The following BSN variants were observed in gnomAD, a reference collection of about 807,000 sequenced individuals.
The protein encoded by BSN is bassoon presynaptic cytomatrix protein, also known as protein bassoon.
Under a neutral mutation model 264.8 loss-of-function variants are expected in BSN, and 57 were observed. That is an observed-to-expected ratio of 0.22 (90% CI 0.17 to 0.27). The LOEUF (loss-of-function observed/expected upper bound fraction) is 0.27, where lower values mean the gene tolerates loss of function less well. BSN is among the 10% of genes least tolerant of loss of function. The probability of loss-of-function intolerance (pLI) is 1.00; values close to 1 mark genes in which losing one functional copy is unlikely to be tolerated. For missense variants in BSN, 4,615 were observed against 5,232.5 expected, an observed-to-expected ratio of 0.88 and a Z score of 3.64; for synonymous variants, 2,059 against 2,137.3, an observed-to-expected ratio of 0.96 and a Z score of 1.01.
intron 1 of BSN, among the ~76,000 whole-genome samples, chr3:49,611,238 G>A (rs2052204622): frequency 6.6e-6 from 1 of 152,232 alleles, no homozygotes. Context: ...GACAAGCACA[G>A]CATTGTCCCC....
intron 1 of BSN, among the ~76,000 whole-genome samples, chr3:49,602,006 TAG>T (rs1275576418): frequency 1.3e-5 from 2 of 152,158 alleles, no homozygotes; most frequent in African/African-American, 4.8e-5. Context: ...CTTGCCCTAG[TAG>T]AGATGTGGGA....
At chr3:49,556,054 C>A (rs1375430095) in intron 1 of BSN, among the ~76,000 whole-genome samples, 1 of 152,172 alleles carries the variant, frequency 6.6e-6, no homozygotes, top group African/African-American at 2.4e-5. Flanking sequence ...TTTATACTAG[C>A]TATAATAGTA....
At chr3:49,643,783 G>T (rs1356686998) in intron 3 of BSN, among the ~76,000 whole-genome samples, 1 of 152,200 alleles carries the variant, frequency 6.6e-6, no homozygotes, top group African/African-American at 2.4e-5. Context: ...TACTGGGGAT[G>T]CTCAGAGATG....
At chr3:49,624,870 A>G in intron 1 of BSN, 105 bp from the exon 2 acceptor site, 1 of 1,055,256 alleles carries the variant, frequency 9.5e-7, no homozygotes, top group Non-Finnish European at 1.3e-6. Context: ...GGCAGGAGGA[A>G]GAGGGTGGTG....
At chr3:49,622,610 G>A (rs2052314725) in intron 1 of BSN, among the ~76,000 whole-genome samples, 1 of 152,190 alleles carries the variant, frequency 6.6e-6, no homozygotes, top group Non-Finnish European at 1.5e-5. Flanking sequence ...CCTGGAGAGG[G>A]GGCCACAGCC....
In BSN at chr3:49,554,750, G is replaced by A; in HGVS notation, c.148G>A (p.Gly50Arg). Residue 50 changes from glycine (G) to arginine (R), a missense_variant, in exon 1 of 12, where the codon GGA (glycine) becomes AGA (arginine). Coordinates refer to ENST00000296452, the MANE Select transcript of BSN (RefSeq NM_003458.4). ...PAGGGQLPAA[G>R]AARSTAVPPV... is the part of the protein sequence containing the mutation. ...CGGTGGCGGACAGCTCCCCGCGGCGGGAGCAGCGCGGTCGACCGCGGTACC... is the reference window on the plus strand; with the variant it reads ...CGGTGGCGGACAGCTCCCCGCGGCGAGAGCAGCGCGGTCGACCGCGGTACC... The A allele has an allele frequency of 1.6e-6, 2 of 1,229,694 alleles. No homozygotes were observed. Among genetic ancestry groups the A allele is most frequent in the Non-Finnish European group, 2.0e-6 (2 of 985,028 alleles). 76.2% of individuals were successfully genotyped at this position (1,229,694 alleles called of 1,614,324 possible).
chr3:49,641,426 ACT>A (rs1453196143), intron 2 of BSN, among the ~76,000 whole-genome samples: 1 of 152,062 alleles, frequency 6.6e-6, no homozygotes, highest in Non-Finnish European at 1.5e-5. Flanking sequence ...GCTCTAACCG[ACT>A]CTGTTTGCCA....
intron 6 of BSN, 114 bp downstream of exon 6, chr3:49,662,676 G>T: frequency 6.7e-7 from 1 of 1,485,618 alleles, no homozygotes; most frequent in Non-Finnish European, 8.9e-7. Flanking sequence ...CGCCTCATCT[G>T]GTGGGCCCTG....
chr3:49,608,829 G>GAAA (rs1443106046), intron 1 of BSN, among the ~76,000 whole-genome samples: 2 of 131,764 alleles, frequency 1.5e-5, no homozygotes, highest in Non-Finnish European at 1.6e-5. Context: ...CTCCGTCTCG[G>GAAA]GAAAAAAAAA....
intron 1 of BSN, among the ~76,000 whole-genome samples, chr3:49,582,349 A>T (rs2051900922): frequency 6.6e-6 from 1 of 151,998 alleles, no homozygotes; most frequent in Non-Finnish European, 1.5e-5. Context: ...CCCAGGCTGG[A>T]GTTCAGTGGC....
intron 1 of BSN, among the ~76,000 whole-genome samples, chr3:49,558,531 T>A (rs1485263419): frequency 6.6e-6 from 1 of 152,212 alleles, no homozygotes; most frequent in Non-Finnish European, 1.5e-5. Context: ...AGGCATAGTA[T>A]CTCTGGTCTG....
At chr3:49,559,757 C>T (rs1448809785) in intron 1 of BSN, among the ~76,000 whole-genome samples, 3 of 152,162 alleles carry the variant, frequency 2.0e-5, no homozygotes, top group Non-Finnish European at 4.4e-5. Context: ...GATTGCATCC[C>T]TGTGGTGTCA....
rs751952854 is a variant in BSN at position 49,642,384 on chromosome 3, C to G, written c.750C>G (p.Ala250=). Residue 250 remains alanine, a synonymous_variant, in exon 3 of 12, where the codon GCC becomes GCG. Coordinates refer to ENST00000296452, the MANE Select transcript of BSN (RefSeq NM_003458.4). The surrounding 1 kb of genome is among the most constrained non-coding windows in gnomAD (Gnocchi z 7.0). ...TGCACTCCCCAGCCCTGTCTCCTGCCCACTCCCCGGCCAAACAGCCCCTGG... is the reference window on the plus strand; with the variant it reads ...TGCACTCCCCAGCCCTGTCTCCTGCGCACTCCCCGGCCAAACAGCCCCTGG... ...QQLHSPALSP[A]HSPAKQPLGK... 5.0e-6 allele frequency: 8 copies of G among 1,600,188 alleles called. No homozygotes were observed. The highest frequency in any genetic ancestry group is 6.8e-6 in the Non-Finnish European group (8 of 1,173,380).
intron 11 of BSN, among the ~76,000 whole-genome samples, chr3:49,666,926 G>A (rs952768788): frequency 6.6e-6 from 1 of 151,834 alleles, no homozygotes; most frequent in East Asian, 1.9e-4. Flanking sequence ...CCGCTCAGCT[G>A]ATGTTTCCTT....
rs1482015790 is a variant in BSN, at chr3:49,654,864, T to C, written c.5308T>C (p.Cys1770Arg). 6.2e-7 allele frequency: 1 copy of C among 1,613,370 alleles called. No homozygotes were observed. The highest frequency in any genetic ancestry group is 8.5e-7 in the Non-Finnish European group (1 of 1,179,984). ...DFGQGGGSPV[C>R]LAQVKQVEQA... ...TGGCCAGGGTGGGGGTAGCCCTGTG[T>C]GCCTGGCCCAGGTCAAACAAGTAGA... Residue 1770 changes from cysteine (C) to arginine (R), a missense_variant, in exon 5 of 12, where the codon TGC (cysteine) becomes CGC (arginine). Around this residue, in one of 3 missense-constraint regions of BSN, gnomAD observed 3,415 missense variants for 3,866.4 expected, o/e 0.88. Coordinates refer to ENST00000296452, the MANE Select transcript of BSN (RefSeq NM_003458.4). The surrounding 1 kb of genome is among the most constrained non-coding windows in gnomAD (Gnocchi z 4.1).
intron 1 of BSN, among the ~76,000 whole-genome samples, chr3:49,613,036 G>A (rs1384424324): frequency 6.6e-6 from 1 of 152,172 alleles, no homozygotes; most frequent in Non-Finnish European, 1.5e-5. Flanking sequence ...GGGAGGCTGA[G>A]GCAGGAGAAT....
rs763410661 is a variant in BSN, at chr3:49,656,143, C to T, written c.6587C>T (p.Ser2196Leu). The T allele has an allele frequency of 1.7e-5, 28 of 1,613,026 alleles. No homozygotes were observed. The highest frequency in any genetic ancestry group is 4.4e-5 in the South Asian group (4 of 91,064). Residue 2196 changes from serine to leucine, a missense_variant, in exon 5 of 12, where the codon TCG becomes TTG. By Grantham distance (145) the Ser-to-Leu change is moderately radical (BLOSUM62 -2). This residue lies in a region of BSN where 3,415 missense variants were observed against 3,866.4 expected (regional missense o/e 0.88). Coordinates refer to ENST00000296452, the MANE Select transcript of BSN (RefSeq NM_003458.4). The part of the protein sequence containing the change: ...TVRAADGMIY[S>L]TINTPIAATL... ...CGTGCAGCTGATGGCATGATCTACT[C>T]GACTATCAATACCCCAATTGCTGCA... is the stretch of plus-strand genomic sequence containing the variant.
At chr3:49,617,241 CAT>C (rs1231581107) in intron 1 of BSN, among the ~76,000 whole-genome samples, 3 of 150,246 alleles carry the variant, frequency 2.0e-5, no homozygotes, top group Non-Finnish European at 4.4e-5. Flanking sequence ...ACGTTCTGCA[CAT>C]GTGTCCCAGA....
At chr3:49,606,437 C>T (rs910651690) in intron 1 of BSN, among the ~76,000 whole-genome samples, 1 of 148,618 alleles carries the variant, frequency 6.7e-6, no homozygotes, top group Non-Finnish European at 1.5e-5. Flanking sequence ...TTCTAAGCAC[C>T]TATCATACTC....
Sources: allele counts gnomAD v4.1 joint callset (sites outside exome capture counted in the v4.1 genomes callset), GRCh38; gene constraint gnomAD v4.1.1; regional missense constraint gnomAD v4.1.1; non-coding constraint Gnocchi (gnomAD v3.1); transcripts MANE v1.5; gene names NCBI Gene and HGNC (gene_info 2026-07-23, HGNC 2026-07-21).